NECAB1: variants seen among roughly 807,000 people sequenced by gnomAD.
The protein encoded by NECAB1 is N-terminal EF-hand calcium binding protein 1.
A neutral mutation model predicts 57.5 loss-of-function variants in NECAB1; 29 were observed. The ratio of observed to expected loss-of-function variants is 0.50; its 90% CI spans 0.38 to 0.69. NECAB1 has a LOEUF of 0.69. Among genes scored for constraint, NECAB1 ranks in the 30% least tolerant of loss-of-function variants. The pLI is 0.00. For synonymous variants in NECAB1, 142 were observed against 147.7 expected (o/e 0.96, Z 0.28); for missense variants, 372 against 413.8 (o/e 0.90, Z 0.88).
intron 3 of NECAB1, among the ~76,000 whole-genome samples, chr8:90,828,412 A>G (rs1812257198): frequency 6.6e-6 from 1 of 152,038 alleles, no homozygotes. Flanking sequence ...TAGCAGTTGT[A>G]ATCACCTTTC....
chr8:90,865,333 CT>C (rs1473322232), intron 3 of NECAB1, among the ~76,000 whole-genome samples: 1 of 152,094 alleles, frequency 6.6e-6, no homozygotes, highest in East Asian at 1.9e-4. Context: ...CAGAGTCTTG[CT>C]TATGGGACCT....
chr8:90,846,446 C>G (rs533553354), intron 3 of NECAB1, among the ~76,000 whole-genome samples: 43 of 152,318 alleles, frequency 2.8e-4, no homozygotes, highest in African/African-American at 1.0e-3. Flanking sequence ...AATCTATGAA[C>G]TTTGCTTGAT....
chr8:90,810,899 G>C (rs117375807), intron 2 of NECAB1, among the ~76,000 whole-genome samples: 3,377 of 151,730 alleles, frequency 0.022, 45 homozygotes, highest in Non-Finnish European at 0.033. Context: ...GCATCTTCTT[G>C]ATAGATGAGT....
At chr8:90,935,267 C>T (rs1810508424) in intron 9 of NECAB1, among the ~76,000 whole-genome samples, 1 of 152,130 alleles carries the variant, frequency 6.6e-6, no homozygotes, top group East Asian at 1.9e-4. Flanking sequence ...CCCATCTGTC[C>T]AAACTCATAA....
At chr8:90,909,895 G>C (rs899858979) in intron 5 of NECAB1, among the ~76,000 whole-genome samples, 2 of 151,830 alleles carry the variant, frequency 1.3e-5, no homozygotes, top group South Asian at 2.1e-4. Flanking sequence ...ATTTTCCTTT[G>C]TTAGTTTCTA....
chr8:90,925,667 C>T lies in NECAB1; in HGVS notation c.616+11C>T, dbSNP rs781657168. The T allele has an allele frequency of 2.5e-5, 41 of 1,613,020 alleles. No homozygotes were observed. The South Asian group carries it at 4.5e-4, about 18-fold the overall frequency. On this transcript the variant is annotated intron_variant, in intron 7 of 12. Coordinates refer to ENST00000417640, the MANE Select transcript of NECAB1 (RefSeq NM_022351.5). The stretch of plus-strand genomic sequence containing the variant: ...ATGTCAGCGGTCCAGGTAACATACC[C>T]TTCATTTGTTTTTATTTGTCAAAGT...
intron 7 of NECAB1, among the ~76,000 whole-genome samples, chr8:90,927,668 G>C (rs1255497890): frequency 6.7e-6 from 1 of 149,956 alleles, no homozygotes; most frequent in Non-Finnish European, 1.5e-5. Context: ...ACATATGTAT[G>C]TATATATTAT....
chr8:90,899,585 G>C lies in NECAB1; in HGVS notation c.358-17907G>C, dbSNP rs867524886. Among the ~76,000 whole-genome samples, 10 of 152,294 alleles carry C rather than the reference G, an allele frequency of 6.6e-5. No homozygotes were observed. The South Asian group carries it at 1.0e-3, about 16-fold the overall frequency. ...GCAAGTTTAGAAACTCTGGAACAGA[G>C]AGATGTGCAGAAAGAAATAGTGATG... On this transcript the variant is annotated intron_variant, in intron 5 of 12. Coordinates refer to ENST00000417640, the MANE Select transcript of NECAB1 (RefSeq NM_022351.5).
intron 3 of NECAB1, among the ~76,000 whole-genome samples, chr8:90,834,990 T>C (rs1812346826): frequency 7.6e-6 from 1 of 130,828 alleles, no homozygotes; most frequent in Non-Finnish European, 1.6e-5. Context: ...GACTTTCTTT[T>C]TTTTTTTTTT....
At chr8:90,824,658 A>G in intron 2 of NECAB1, 59 bp from the exon 3 acceptor site, 1 of 1,179,290 alleles carries the variant, frequency 8.5e-7, no homozygotes, top group Non-Finnish European at 1.2e-6. Flanking sequence ...TTATAAAGCA[A>G]AAACAGAACA....
chr8:90,853,429 A>G (rs1434416872), intron 3 of NECAB1, among the ~76,000 whole-genome samples: 2 of 152,192 alleles, frequency 1.3e-5, no homozygotes, highest in Non-Finnish European at 2.9e-5. Context: ...TGAGGGTTTT[A>G]CATGTTTTCC....
At chr8:90,868,062 G>A (rs1563511075) in intron 3 of NECAB1, among the ~76,000 whole-genome samples, 1 of 144,090 alleles carries the variant, frequency 6.9e-6, no homozygotes. Flanking sequence ...AAATTGTGTA[G>A]CACTTCCCCC....
At chr8:90,839,282 G>A (rs1263001105) in intron 3 of NECAB1, among the ~76,000 whole-genome samples, 6 of 152,166 alleles carry the variant, frequency 3.9e-5, no homozygotes, top group South Asian at 4.1e-4. Flanking sequence ...AGAGGACACC[G>A]TTAAATTTGA....
At chr8:90,935,247 A>G (rs1291391777) in intron 9 of NECAB1, among the ~76,000 whole-genome samples, 3 of 152,320 alleles carry the variant, frequency 2.0e-5, no homozygotes, top group African/African-American at 7.2e-5. Flanking sequence ...ACCTATGTGT[A>G]AGGCTCCTGC....
At chr8:90,840,302 G>A (rs963904186) in intron 3 of NECAB1, among the ~76,000 whole-genome samples, 4 of 152,164 alleles carry the variant, frequency 2.6e-5, no homozygotes, top group African/African-American at 9.7e-5. Flanking sequence ...CCAGACCTAA[G>A]CACTTTCCAT....
intron 3 of NECAB1, among the ~76,000 whole-genome samples, chr8:90,830,925 T>G (rs924533191): frequency 6.6e-6 from 1 of 152,136 alleles, no homozygotes; most frequent in African/African-American, 2.4e-5. Context: ...GCAAGAATTA[T>G]TGGATGTGAG....
chr8:90,906,891 A>ATATG (rs1809679825), intron 5 of NECAB1, among the ~76,000 whole-genome samples: 6 of 113,412 alleles, frequency 5.3e-5, no homozygotes, highest in African/African-American at 2.4e-4. Context: ...ATATATATAT[A>ATATG]TATATATATA....
At chr8:90,875,859 A>T (rs991303164) in intron 4 of NECAB1, among the ~76,000 whole-genome samples, 6 of 248 alleles carry the variant, frequency 0.024, no homozygotes, top group Non-Finnish European at 0.1. Context: ...AAAAAAAAAA[A>T]AATTACCGGG....
intron 5 of NECAB1, among the ~76,000 whole-genome samples, chr8:90,885,158 CT>C (rs1395914972): frequency 6.6e-6 from 1 of 152,106 alleles, no homozygotes. Flanking sequence ...TAAAATACCA[CT>C]TTGAGGTTAT....
Sources: gnomAD v4.1 joint callset for allele counts (sites outside exome capture counted in the v4.1 genomes callset) on GRCh38, gnomAD v4.1.1 for gene constraint, MANE v1.5 for transcripts, NCBI Gene and HGNC (gene_info 2026-07-23, HGNC 2026-07-21) for gene names.